GXYLT1: variants seen among roughly 807,000 people sequenced by gnomAD.
The protein encoded by GXYLT1 is glycosyltransferase 8 domain containing 3.
Under a neutral mutation model 54.0 loss-of-function variants are expected in GXYLT1, and 29 were observed. That is an observed-to-expected ratio of 0.54 (90% CI 0.40 to 0.73). The LOEUF is 0.73. GXYLT1 is among the 30% of genes least tolerant of loss of function. The pLI, the probability that GXYLT1 is intolerant of heterozygous loss-of-function variation, is 0.00. For missense variants in GXYLT1, 490 were observed against 553.4 expected (o/e 0.89, Z 1.15); for synonymous variants, 176 against 204.1 (o/e 0.86, Z 1.17).
intron 3 of GXYLT1, among the ~76,000 whole-genome samples, chr12:42,111,860 T>C (rs7136450): frequency 0.53 from 80,359 of 152,146 alleles, 21,466 homozygotes; most frequent in South Asian, 0.7. Flanking sequence ...CCCTGAACCC[T>C]GAGTAGCCTA....
intron 1 of GXYLT1, among the ~76,000 whole-genome samples, chr12:42,130,426 C>T (rs1250975592): frequency 6.6e-6 from 1 of 152,060 alleles, no homozygotes. Context: ...AATGAGAGAA[C>T]ATCTCACCCA....
At chr12:42,133,963 G>A (rs183561825) in intron 1 of GXYLT1, among the ~76,000 whole-genome samples, 4 of 152,194 alleles carry the variant, frequency 2.6e-5, no homozygotes, top group East Asian at 3.9e-4. Context: ...TTAGGAGGCC[G>A]ACGTGGGTGG....
At position 42,109,691 on chromosome 12, in the gene GXYLT1, G is replaced by C. The variant is rs776678736; in HGVS notation, c.487C>G (p.Leu163Val). Residue 163 changes from leucine (L) to valine (V), a missense_variant and splice_region_variant, in exon 4 of 8, where the codon CTT becomes GTT. Leu to Val is a conservative substitution (Grantham distance 32, BLOSUM62 1). This residue lies in a region of GXYLT1 where 342 missense variants were observed against 342.6 expected (regional missense o/e 1.00). Transcript: ENST00000398675. ...DQLHHSFKGR[L>V]DNWSFLQTFN... is the part of the protein sequence containing the mutation. ...GTTTGTAGAAATGACCAGTTGTCAA[G>C]CTAAAACAATTTAAAAAAAAACTGT... The C allele has an allele frequency of 2.7e-6, 4 of 1,497,236 alleles. No homozygotes were observed. Among genetic ancestry groups the C allele is most frequent in the Non-Finnish European group, 3.6e-6 (4 of 1,101,434 alleles). 92.7% of individuals were successfully genotyped at this position (1,497,236 alleles called of 1,614,324 possible). A position where few individuals can be genotyped will look rare whatever the true frequency, so the allele number is the denominator to read the frequency against.
intron 3 of GXYLT1, among the ~76,000 whole-genome samples, chr12:42,116,072 G>A (rs924686433): frequency 6.6e-6 from 1 of 152,006 alleles, no homozygotes; most frequent in African/African-American, 2.4e-5. Context: ...AAACTGGCTA[G>A]CCATACGTAG....
chr12:42,107,032 C>T (rs553910995), intron 4 of GXYLT1, among the ~76,000 whole-genome samples: 125 of 152,288 alleles, frequency 8.2e-4, no homozygotes, highest in South Asian at 4.1e-3. Flanking sequence ...CAGGCACGAG[C>T]CACTGTGCCC....
intron 1 of GXYLT1, among the ~76,000 whole-genome samples, chr12:42,140,438 T>A (rs2065645606): frequency 6.6e-6 from 1 of 152,054 alleles, no homozygotes; most frequent in South Asian, 2.1e-4. Flanking sequence ...ACCAAAATGA[T>A]ATTAGCTAAA....
chr12:42,144,115 G>A (rs2065666167), intron 1 of GXYLT1, among the ~76,000 whole-genome samples: 1 of 152,220 alleles, frequency 6.6e-6, no homozygotes. Flanking sequence ...CCAGGCAGCA[G>A]TAAGGCTTTT....
rs1393501951 is a variant in GXYLT1 at position 42,084,768 on chromosome 12, T to C, written c.*3018A>G. On this transcript the variant is annotated 3_prime_UTR_variant, in exon 8 of 8. Coordinates refer to ENST00000398675, the MANE Select transcript of GXYLT1 (RefSeq NM_173601.2). ...AGGGCCTTAAAACCCTTATATATTATGAACTACTCTTCATTAGAAAAAAGT... is the reference window on the plus strand; with the variant it reads ...AGGGCCTTAAAACCCTTATATATTACGAACTACTCTTCATTAGAAAAAAGT... 6.6e-6 allele frequency: 1 copy of C among 152,298 alleles called. No individual in the cohort carries two copies. The highest frequency in any genetic ancestry group is 2.4e-5 in the African/African-American group (1 of 41,488). The allele number at this position is 152,298 out of a possible 1,614,324, so 9.4% of individuals were successfully genotyped here.
At chr12:42,140,260 A>C (rs1014031800) in intron 1 of GXYLT1, among the ~76,000 whole-genome samples, 5 of 148,658 alleles carry the variant, frequency 3.4e-5, no homozygotes, top group Admixed American at 3.4e-4. Context: ...ACTATTCTCA[A>C]TTTTTGGTTT....
At position 42,082,773 on chromosome 12, in the gene GXYLT1, C is replaced by T. The variant is rs2065261159; in HGVS notation, c.*5013G>A. 6.6e-6 allele frequency: 1 copy of T among 152,244 alleles called. No homozygotes were observed. The highest frequency in any genetic ancestry group is 2.4e-5 in the African/African-American group (1 of 41,452). 9.4% of individuals were successfully genotyped at this position (152,244 alleles called of 1,614,324 possible). ...GGGATTACATGCATGAGCCACCACA[C>T]CCAGCCAATTTACTTTTTAATAGAA... On this transcript the variant is annotated 3_prime_UTR_variant, in exon 8 of 8. Transcript: ENST00000398675.
chr12:42,084,698 T>C lies in GXYLT1; in HGVS notation c.*3088A>G, dbSNP rs574955844. ...TTTCACTATACCAATAACATCTGAC[T>C]GGAGGCAAGATGAGAGAGCAATGAG... On this transcript the variant is annotated 3_prime_UTR_variant, in exon 8 of 8. Coordinates refer to ENST00000398675, the MANE Select transcript of GXYLT1 (RefSeq NM_173601.2). 5.4e-4 allele frequency: 83 copies of C among 152,408 alleles called. No homozygotes were observed. Among genetic ancestry groups the C allele is most frequent in the African/African-American group, 2.0e-3 (82 of 41,606 alleles). 9.4% of individuals were successfully genotyped at this position (152,408 alleles called of 1,614,324 possible). A position where few individuals can be genotyped will look rare whatever the true frequency, so the allele number is the denominator to read the frequency against.
chr12:42,110,649 G>A (rs766383103), intron 3 of GXYLT1, among the ~76,000 whole-genome samples: 11 of 152,102 alleles, frequency 7.2e-5, no homozygotes, highest in South Asian at 6.2e-4. Flanking sequence ...TCCCAGGCTT[G>A]GGTGATCCTC....
chr12:42,095,381 C>G (rs1472907726), intron 7 of GXYLT1, among the ~76,000 whole-genome samples: 1 of 151,582 alleles, frequency 6.6e-6, no homozygotes, highest in East Asian at 1.9e-4. Context: ...AATGTCCAAA[C>G]ATAGAGAATG....
In GXYLT1 at chr12:42,135,400, T is replaced by G. The variant is rs967934336; in HGVS notation, c.222-5549A>C. The stretch of plus-strand genomic sequence containing the variant: ...ACAAGCATAATTCCCTTTTAAAGTG[T>G]GTAATTCAATGGTTTTTCGTATATT... On this transcript the variant is annotated intron_variant, in intron 1 of 7. Transcript: ENST00000398675. Among the ~76,000 whole-genome samples the G allele has an allele frequency of 3.9e-5, 6 of 152,350 alleles. No individual in the cohort carries two copies. The East Asian group carries it at 9.6e-4, about 24-fold the overall frequency.
rs1424655598 is a variant in GXYLT1, at chr12:42,141,692, A to C, written c.221+2734T>G. Reference sequence around the variant, plus strand: ...AATTATACCCTACTAAAGCTAAAAAAATTTAAGTATTATCTACATTTTACA... The same window carrying C: ...AATTATACCCTACTAAAGCTAAAAACATTTAAGTATTATCTACATTTTACA... On this transcript the variant is annotated intron_variant, in intron 1 of 7. Coordinates refer to ENST00000398675, the MANE Select transcript of GXYLT1 (RefSeq NM_173601.2). Among the ~76,000 whole-genome samples the C allele has an allele frequency of 2.6e-5, 4 of 152,244 alleles. No individual in the cohort carries two copies. The East Asian group carries it at 5.8e-4, about 22-fold the overall frequency.
intron 5 of GXYLT1, among the ~76,000 whole-genome samples, chr12:42,102,904 TTAA>T (rs1469878702): frequency 6.6e-6 from 1 of 151,618 alleles, no homozygotes; most frequent in East Asian, 1.9e-4. Context: ...TTAATTTAAT[TTAA>T]TAATTATTTC....
chr12:42,132,323 G>C (rs2065597736), intron 1 of GXYLT1, among the ~76,000 whole-genome samples: 1 of 152,114 alleles, frequency 6.6e-6, no homozygotes, highest in Admixed American at 6.6e-5. Flanking sequence ...TGTGTATCAA[G>C]GAATAACTAG....
rs1270562753 is a variant in GXYLT1, at chr12:42,119,127, A to T, written c.359T>A (p.Val120Glu). The T allele has an allele frequency of 6.2e-7, 1 of 1,614,120 alleles. No homozygotes were observed. The highest frequency in any genetic ancestry group is 8.5e-7 in the Non-Finnish European group (1 of 1,179,914). The stretch of plus-strand genomic sequence containing the variant: ...TTCCAGTCTTTCACCACAGGCAACT[A>T]CAGCTAGATGCATTTTCTCAACAGG... Reference protein sequence around the residue: ...IQPVEKMHLAVVACGERLEET... With the variant: ...IQPVEKMHLAEVACGERLEET... Residue 120 changes from valine to glutamate, a missense_variant, in exon 3 of 8, where the codon GTA (valine) becomes GAA (glutamate). Transcript: ENST00000398675.
chr12:42,120,682 C>A (rs2065525572), intron 2 of GXYLT1, among the ~76,000 whole-genome samples: 1 of 149,768 alleles, frequency 6.7e-6, no homozygotes, highest in African/African-American at 2.5e-5. Context: ...AGATGTGCGA[C>A]CACCATGTCC....
Sources: allele counts gnomAD v4.1 joint callset (sites outside exome capture counted in the v4.1 genomes callset), GRCh38; gene constraint gnomAD v4.1.1; regional missense constraint gnomAD v4.1.1; transcripts MANE v1.5; gene names NCBI Gene and HGNC (gene_info 2026-07-23, HGNC 2026-07-21).